KCNMA1: variants seen among roughly 807,000 people sequenced by gnomAD.
KCNMA1 encodes Calcium-activated potassium channel subunit alpha-1.
In KCNMA1, 29 loss-of-function variants were observed where a neutral mutation model predicts 140.0. That is an observed-to-expected ratio of 0.21 (90% CI 0.15 to 0.28). KCNMA1 has a LOEUF of 0.28. Ranked by LOEUF, KCNMA1 falls within the 10% of genes least tolerant of loss-of-function variation. The probability of loss-of-function intolerance (pLI) is 1.00; values close to 1 mark genes in which losing one functional copy is unlikely to be tolerated. For missense variants in KCNMA1, 880 were observed against 1,602.2 expected (o/e 0.55, Z 7.70); for synonymous variants, 612 against 611.9 (o/e 1.00, Z 0.00).
chr10:77,568,750 G>A (rs1481593021), intron 1 of KCNMA1, among the ~76,000 whole-genome samples: 1 of 150,466 alleles, frequency 6.6e-6, no homozygotes, highest in African/African-American at 2.4e-5. Context: ...TTAGGCAGGA[G>A]AAGGAAATAA....
rs758646063 is a variant in KCNMA1, at chr10:76,953,937, G to T, written c.2361-13C>A. 9 of 1,613,888 alleles carry T rather than the reference G, an allele frequency of 5.6e-6. No individual in the cohort carries two copies. The highest frequency in any genetic ancestry group is 7.6e-6 in the Non-Finnish European group (9 of 1,179,862). ...CAAGGGGTCATGCCTGGGAAGAAAA[G>T]GACAGGAAAACCTAAGTGGAAAATG... On this transcript the variant is annotated splice_polypyrimidine_tract_variant and intron_variant, in intron 20 of 27. Coordinates refer to ENST00000286628, the MANE Select transcript of KCNMA1 (RefSeq NM_001161352.2).
intron 23 of KCNMA1, among the ~76,000 whole-genome samples, chr10:76,942,843 C>G (rs2062918732): frequency 1.3e-5 from 2 of 152,190 alleles, no homozygotes; most frequent in Non-Finnish European, 2.9e-5. Flanking sequence ...GTTTTCCTTT[C>G]CCCTTGATGG....
At chr10:77,354,124 C>T (rs1249893934) in intron 2 of KCNMA1, among the ~76,000 whole-genome samples, 2 of 152,164 alleles carry the variant, frequency 1.3e-5, no homozygotes. Context: ...GTAGCTGGGA[C>T]TACAGATGCG....
At chr10:77,526,437 C>T (rs928171077) in intron 1 of KCNMA1, among the ~76,000 whole-genome samples, 2 of 152,202 alleles carry the variant, frequency 1.3e-5, no homozygotes, top group Non-Finnish European at 2.9e-5. Flanking sequence ...AGAAAATGCT[C>T]TACAACACTA....
At chr10:77,013,046 C>T (rs1176890750) in intron 17 of KCNMA1, among the ~76,000 whole-genome samples, 1 of 152,200 alleles carries the variant, frequency 6.6e-6, no homozygotes, top group Non-Finnish European at 1.5e-5. Context: ...GTTGCCTTTA[C>T]CACTCCCAAC....
chr10:77,489,531 G>T (rs1306192287), intron 1 of KCNMA1, among the ~76,000 whole-genome samples: 1 of 152,036 alleles, frequency 6.6e-6, no homozygotes, highest in Non-Finnish European at 1.5e-5. Context: ...TAGAGACAGG[G>T]TTTCACCACA....
At chr10:77,584,817 C>G (rs960753264) in intron 1 of KCNMA1, among the ~76,000 whole-genome samples, 2 of 152,220 alleles carry the variant, frequency 1.3e-5, no homozygotes, top group African/African-American at 4.8e-5. Flanking sequence ...ACCCAGTCTT[C>G]CAGACCCTAA....
intron 14 of KCNMA1, among the ~76,000 whole-genome samples, chr10:77,047,976 T>C (rs2095170214): frequency 1.3e-5 from 2 of 151,998 alleles, no homozygotes; most frequent in South Asian, 4.1e-4. Context: ...TCCATTCTTT[T>C]GCAAAATCTA....
chr10:77,072,167 C>T (rs1331841840), intron 14 of KCNMA1, among the ~76,000 whole-genome samples: 1 of 152,226 alleles, frequency 6.6e-6, no homozygotes, highest in Admixed American at 6.5e-5. Flanking sequence ...AATTCTGCTC[C>T]TTACATAGTA....
chr10:77,199,418 GAT>G (rs1565166437), intron 3 of KCNMA1, among the ~76,000 whole-genome samples: 1 of 152,114 alleles, frequency 6.6e-6, no homozygotes, highest in East Asian at 1.9e-4. Flanking sequence ...AAATTCTACT[GAT>G]TACCTTGTAT....
At chr10:76,897,802 G>A (rs1395860393) in intron 25 of KCNMA1, among the ~76,000 whole-genome samples, 1 of 151,824 alleles carries the variant, frequency 6.6e-6, no homozygotes, top group Admixed American at 6.6e-5. Flanking sequence ...CTAAAATTAT[G>A]TTTTAAAGTT....
intron 3 of KCNMA1, among the ~76,000 whole-genome samples, chr10:77,215,997 G>T (rs2047668496): frequency 6.6e-6 from 1 of 151,874 alleles, no homozygotes. Flanking sequence ...ACCAGAAATT[G>T]ACCATGCTGT....
chr10:77,341,304 T>C (rs1018642267), intron 2 of KCNMA1, among the ~76,000 whole-genome samples: 1 of 152,268 alleles, frequency 6.6e-6, no homozygotes, highest in Non-Finnish European at 1.5e-5. Context: ...TTTTCCACTT[T>C]CCCTTTCTGG....
intron 2 of KCNMA1, among the ~76,000 whole-genome samples, chr10:77,262,263 G>A (rs144798673): frequency 3.7e-4 from 56 of 152,266 alleles, no homozygotes; most frequent in African/African-American, 1.1e-3. Context: ...ATACTACGAC[G>A]TGAATGACCC....
intron 1 of KCNMA1, among the ~76,000 whole-genome samples, chr10:77,420,494 C>G (rs2096843655): frequency 6.6e-6 from 1 of 152,246 alleles, no homozygotes; most frequent in African/African-American, 2.4e-5. Context: ...TTTCAGGTAT[C>G]AGTCCCCTCA....
intron 1 of KCNMA1, among the ~76,000 whole-genome samples, chr10:77,518,763 TAGG>T (rs1322665628): frequency 6.6e-6 from 1 of 152,108 alleles, no homozygotes; most frequent in Non-Finnish European, 1.5e-5. Flanking sequence ...ATGAGTCAAT[TAGG>T]AGGACATGAA....
At chr10:77,243,352 G>A (rs2057765550) in intron 3 of KCNMA1, among the ~76,000 whole-genome samples, 1 of 152,246 alleles carries the variant, frequency 6.6e-6, no homozygotes, top group South Asian at 2.1e-4. Context: ...TGACTATAGG[G>A]AAAGGCCCAG....
intron 22 of KCNMA1, among the ~76,000 whole-genome samples, chr10:76,947,671 C>T (rs1303291628): frequency 6.6e-6 from 1 of 152,192 alleles, no homozygotes; most frequent in Non-Finnish European, 1.5e-5. Context: ...TGACTATTTT[C>T]AACTGCCTGT....
intron 6 of KCNMA1, among the ~76,000 whole-genome samples, chr10:77,113,527 G>T (rs934063714): frequency 6.6e-6 from 1 of 152,058 alleles, no homozygotes; most frequent in Non-Finnish European, 1.5e-5. Context: ...GCAGTGGCAC[G>T]GTCTTGGCTC....
Sources: allele counts gnomAD v4.1 joint callset (sites outside exome capture counted in the v4.1 genomes callset), GRCh38; gene constraint gnomAD v4.1.1; transcripts MANE v1.5; gene names NCBI Gene and HGNC (gene_info 2026-07-23, HGNC 2026-07-21).